The following RPF1 variants were observed in gnomAD, a reference collection of about 807,000 sequenced individuals.
RPF1 encodes ribosome production factor 1 homolog, also known as ribosome production factor 1.
A neutral mutation model predicts 41.9 loss-of-function variants in RPF1; 34 were observed. The ratio of observed to expected loss-of-function variants is 0.81; its 90% CI spans 0.62 to 1.08. The LOEUF (loss-of-function observed/expected upper bound fraction) is 1.08. Among genes scored for constraint, RPF1 ranks in the 50% least tolerant of loss-of-function variants. RPF1 has a pLI of 0.00. For synonymous variants in RPF1, 140 were observed against 148.9 expected (o/e 0.94, Z 0.43); for missense variants, 425 against 435.2 (o/e 0.98, Z 0.21).
Position 84,498,209 on chromosome 1 carries a change from A to G in RPF1, c.*739A>G, listed in dbSNP as rs1332283064. 6.6e-6 allele frequency: 1 copy of G among 152,520 alleles called. No homozygotes were observed. The highest frequency in any genetic ancestry group is 1.5e-5 in the Non-Finnish European group (1 of 68,024). 9.4% of individuals were successfully genotyped at this position (152,520 alleles called of 1,614,324 possible). A position where few individuals can be genotyped will look rare whatever the true frequency, so the allele number is the denominator to read the frequency against. On this transcript the variant is annotated 3_prime_UTR_variant, in exon 9 of 9. Transcript: ENST00000370654. The stretch of plus-strand genomic sequence containing the variant: ...ATTCCCTAGCAGTCTTGCCAGATGT[A>G]TGGCATAAAGTCATGTGAGAAGAGT...
At chr1:84,482,734 T>A (rs1911159) in intron 2 of RPF1, among the ~76,000 whole-genome samples, 181 bp from the exon 3 acceptor site, 68,423 of 144,572 alleles carry the variant, frequency 0.47, 17,495 homozygotes, top group African/African-American at 0.7. Context: ...CCAGATTGTT[T>A]AAAAAAAAAA....
chr1:84,483,188 A>AT (rs1474647966), intron 3 of RPF1, 193 bp downstream of exon 3: 3 of 531,268 alleles, frequency 5.6e-6, no homozygotes, highest in African/African-American at 3.8e-5. Context: ...CTATAGAAAA[A>AT]TTCTATAAAA....
intron 7 of RPF1, 33 bp from the exon 8 acceptor site, chr1:84,496,207 CTCAT>C (rs1231746694): frequency 8.9e-6 from 14 of 1,580,770 alleles, no homozygotes; most frequent in Admixed American, 1.7e-5. Flanking sequence ...TAAACAATAG[CTCAT>C]TCAGACTAAT....
intron 8 of RPF1, 139 bp from the exon 9 acceptor site, chr1:84,497,290 G>A: frequency 1.6e-6 from 1 of 617,036 alleles, no homozygotes. Flanking sequence ...GACTATTCGG[G>A]GTCTCGCACA....
chr1:84,479,266 C>G lies in RPF1; in HGVS notation c.-16C>G, dbSNP rs375738366. ...GGCTATTTCCGTTTCCGTACGGAAG[C>G]AAAGGAGCCAAGACCATGGCGAAAG... On this transcript the variant is annotated 5_prime_UTR_variant, in exon 1 of 9. Coordinates refer to ENST00000370654, the MANE Select transcript of RPF1 (RefSeq NM_025065.7). The G allele has an allele frequency of 2.6e-6, 4 of 1,561,478 alleles. No homozygotes were observed. Among genetic ancestry groups the G allele is most frequent in the Non-Finnish European group, 3.5e-6 (4 of 1,156,972 alleles).
rs934493211 is a variant in RPF1, at chr1:84,498,245, A to C, written c.*775A>C. The C allele has an allele frequency of 6.6e-6, 1 of 152,628 alleles. No individual in the cohort carries two copies. The highest frequency in any genetic ancestry group is 1.5e-5 in the Non-Finnish European group (1 of 68,040). 9.5% of individuals were successfully genotyped at this position (152,628 alleles called of 1,614,324 possible). On this transcript the variant is annotated 3_prime_UTR_variant, in exon 9 of 9. Coordinates refer to ENST00000370654, the MANE Select transcript of RPF1 (RefSeq NM_025065.7). ...TCATGTGAGAAGAGTAGGTGGAAAA[A>C]ACTGTACAAACTTAACCCCTTCAGG...
intron 1 of RPF1, 103 bp from the exon 2 acceptor site, chr1:84,480,853 C>G: frequency 1.5e-6 from 1 of 646,012 alleles, no homozygotes; most frequent in South Asian, 2.0e-5. Flanking sequence ...CAAAGACCGC[C>G]CAGTTCGAGT....
chr1:84,496,153 C>A, intron 7 of RPF1, 90 bp downstream of exon 7: 1 of 1,459,480 alleles, frequency 6.9e-7, no homozygotes, highest in Non-Finnish European at 9.4e-7. Flanking sequence ...TAGCAAGTAT[C>A]ATACAAGATA....
chr1:84,488,884 T>C (rs1464872120), intron 3 of RPF1, among the ~76,000 whole-genome samples: 2 of 152,214 alleles, frequency 1.3e-5, no homozygotes, highest in East Asian at 3.8e-4. Context: ...GAATTAATTA[T>C]ATCTGTGTTC....
intron 3 of RPF1, among the ~76,000 whole-genome samples, chr1:84,487,673 C>T (rs943942544): frequency 3.3e-5 from 5 of 152,080 alleles, no homozygotes; most frequent in Admixed American, 2.0e-4. Context: ...TTCCTGTGAT[C>T]ATAAGTTCTT....
In RPF1 at chr1:84,479,414, G is replaced by A. The variant is rs142693510; in HGVS notation, c.133G>A (p.Ala45Thr). ...GGAAAACGGGGTCCAACCCCCGAAA[G>A]CGGCTGCCTTTCCGCCAGGCTTTAG... ...ATENGVQPPKAAAFPPGFSIS... is the reference protein window; with the variant it reads ...ATENGVQPPKTAAFPPGFSIS... Residue 45 changes from alanine (A) to threonine (T), a missense_variant, in exon 1 of 9, where the codon GCG becomes ACG. By Grantham distance (58) the Ala-to-Thr change is moderately conservative. Transcript: ENST00000370654. 8 of 1,614,246 alleles carry A rather than the reference G, an allele frequency of 5.0e-6. No homozygotes were observed. The highest frequency in any genetic ancestry group is 6.8e-6 in the Non-Finnish European group (8 of 1,180,042).
intron 2 of RPF1, 78 bp from the exon 3 acceptor site, chr1:84,482,837 C>A: frequency 1.2e-6 from 1 of 858,792 alleles, no homozygotes; most frequent in Non-Finnish European, 1.9e-6. Context: ...TTATTTGTAG[C>A]TTTCTGTTAT....
chr1:84,489,788 AG>A, intron 4 of RPF1, 60 bp downstream of exon 4: 1 of 967,304 alleles, frequency 1.0e-6, no homozygotes, highest in East Asian at 2.5e-5. Context: ...TTCTATTTAA[AG>A]TACTCTGTTC....
At chr1:84,488,626 G>A (rs1030868322) in intron 3 of RPF1, among the ~76,000 whole-genome samples, 2 of 151,914 alleles carry the variant, frequency 1.3e-5, no homozygotes, top group East Asian at 1.9e-4. Context: ...TCTTTGCCAC[G>A]TTCCTGATTT....
rs183007256 is a variant in RPF1 at position 84,497,516 on chromosome 1, G to A, written c.*46G>A. 2 of 1,377,168 alleles carry A rather than the reference G, an allele frequency of 1.5e-6. No individual in the cohort carries two copies. Among genetic ancestry groups the A allele is most frequent in the Non-Finnish European group, 2.0e-6 (2 of 994,538 alleles). 85.3% of individuals were successfully genotyped at this position (1,377,168 alleles called of 1,614,324 possible). On this transcript the variant is annotated 3_prime_UTR_variant, in exon 9 of 9. Transcript: ENST00000370654. ...GGATTTTGCTGAACAGGCCTATCTT[G>A]AACTTTGGTAAATTATTTTTGACAG...
intron 3 of RPF1, among the ~76,000 whole-genome samples, chr1:84,485,559 G>A (rs1283500693): frequency 6.6e-6 from 1 of 152,172 alleles, no homozygotes; most frequent in African/African-American, 2.4e-5. Flanking sequence ...CAGGTTTTGG[G>A]TGTTTTTGGA....
At chr1:84,487,384 G>A (rs1222393175) in intron 3 of RPF1, among the ~76,000 whole-genome samples, 2 of 152,050 alleles carry the variant, frequency 1.3e-5, no homozygotes, top group East Asian at 3.9e-4. Flanking sequence ...CTAATGTTGA[G>A]CATCATTTAA....
intron 1 of RPF1, among the ~76,000 whole-genome samples, chr1:84,480,359 G>T (rs1456604028): frequency 6.6e-6 from 1 of 152,054 alleles, no homozygotes; most frequent in Non-Finnish European, 1.5e-5. Flanking sequence ...GGGGAAAAAA[G>T]AATATTTTTT....
chr1:84,498,100 A>G lies in RPF1; in HGVS notation c.*630A>G, dbSNP rs141030609. On this transcript the variant is annotated 3_prime_UTR_variant, in exon 9 of 9. Coordinates refer to ENST00000370654, the MANE Select transcript of RPF1 (RefSeq NM_025065.7). ...CAGGCACTGAAACAAAGTTAACCCTATAAGTAACTCATGGATGGAAACCCG... is the reference window on the plus strand; with the variant it reads ...CAGGCACTGAAACAAAGTTAACCCTGTAAGTAACTCATGGATGGAAACCCG... Among the ~76,000 whole-genome samples, 45 of 152,274 alleles carry G rather than the reference A, an allele frequency of 3.0e-4. No individual in the cohort carries two copies. Among genetic ancestry groups the G allele is most frequent in the Admixed American group, 7.2e-4 (11 of 15,308 alleles).
Sources: gnomAD v4.1 joint callset for allele counts (sites outside exome capture counted in the v4.1 genomes callset) on GRCh38, gnomAD v4.1.1 for gene constraint, MANE v1.5 for transcripts, NCBI Gene and HGNC (gene_info 2026-07-23, HGNC 2026-07-21) for gene names.